The following SPINK5 variants were observed in gnomAD, a reference collection of about 807,000 sequenced individuals.
SPINK5 encodes the protein serine peptidase inhibitor Kazal type 5.
SPINK5 carries 125 observed loss-of-function variants against 151.8 expected under a neutral mutation model. The ratio of observed to expected loss-of-function variants is 0.82; its 90% CI spans 0.71 to 0.96. The LOEUF is 0.96. Ranked by LOEUF, SPINK5 falls within the 40% of genes least tolerant of loss-of-function variation. SPINK5 has a pLI of 0.00. For synonymous variants in SPINK5, 374 were observed against 395.3 expected (o/e 0.95, Z 0.64); for missense variants, 1,194 against 1,291.9 (o/e 0.92, Z 1.16).
At chr5:148,129,270 T>C (rs547889580) in intron 30 of SPINK5, among the ~76,000 whole-genome samples, 201 of 152,352 alleles carry the variant, frequency 1.3e-3, no homozygotes, top group African/African-American at 4.5e-3. Context: ...ATGAAGGTTC[T>C]GAGAAGACTA....
intron 4 of SPINK5, among the ~76,000 whole-genome samples, chr5:148,076,047 CCTAA>C (rs1752871600): frequency 6.7e-6 from 1 of 148,916 alleles, no homozygotes; most frequent in Admixed American, 6.7e-5. Flanking sequence ...TTCGCAAACT[CCTAA>C]CTGACTATAA....
chr5:148,113,630 C>G (rs1294082940), intron 20 of SPINK5, among the ~76,000 whole-genome samples: 1 of 152,170 alleles, frequency 6.6e-6, no homozygotes, highest in Non-Finnish European at 1.5e-5. Context: ...GGTCATTTCC[C>G]TGCCCCCATC....
At chr5:148,086,329 A>G in intron 4 of SPINK5, 76 bp from the exon 5 acceptor site, 2 of 1,567,474 alleles carry the variant, frequency 1.3e-6, no homozygotes, top group South Asian at 2.3e-5. Context: ...GTGGGCTTAA[A>G]ATGTTAATCT....
Position 148,101,917 on chromosome 5 carries a change from A to AG in SPINK5, c.1430+10dup. ...ATGTGTGAGGCCTTCTTGTGAGTAG[A>AG]GCAGTAGCCCCATAGCGTCTGAGGA... is the stretch of plus-strand genomic sequence containing the variant. On this transcript the variant is annotated intron_variant, in intron 15 of 32. Coordinates refer to ENST00000256084, the MANE Select transcript of SPINK5 (RefSeq NM_006846.4). 4.3e-6 allele frequency: 7 copies of AG among 1,613,494 alleles called. No homozygotes were observed. The highest frequency in any genetic ancestry group is 5.1e-6 in the Non-Finnish European group (6 of 1,179,550).
At chr5:148,091,639 T>A (rs1156965637) in intron 8 of SPINK5, among the ~76,000 whole-genome samples, 2 of 151,690 alleles carry the variant, frequency 1.3e-5, no homozygotes, top group African/African-American at 4.8e-5. Flanking sequence ...ATAGTGAGAG[T>A]GTTTTAAACA....
intron 27 of SPINK5, 140 bp downstream of exon 27, chr5:148,124,100 C>A: frequency 9.8e-7 from 1 of 1,017,034 alleles, no homozygotes; most frequent in Non-Finnish European, 1.5e-6. Flanking sequence ...AGACAATTTC[C>A]AAAGCACTTT....
chr5:148,124,056 AC>A, intron 27 of SPINK5, 96 bp downstream of exon 27: 3 of 1,369,356 alleles, frequency 2.2e-6, no homozygotes, highest in Non-Finnish European at 3.1e-6. Flanking sequence ...TTGGCATCAC[AC>A]ATTAATGATA....
At position 148,072,159 on chromosome 5, in the gene SPINK5, C is replaced by T; in HGVS notation, c.221C>T (p.Ala74Val). ...TTGTCCTTTTCCAGGGAAAAAGAAGCAAAATCACAGAAGAGGGCCAGGCAT... is the reference window on the plus strand; with the variant it reads ...TTGTCCTTTTCCAGGGAAAAAGAAGTAAAATCACAGAAGAGGGCCAGGCAT... Reference protein sequence around the residue: ...ATCKMILEKEAKSQKRARHLA... With the variant: ...ATCKMILEKEVKSQKRARHLA... The change falls in exon 4 of 33, where the codon GCA (alanine) becomes GTA (valine). Residue 74 changes from alanine (A) to valine (V), a missense_variant. Ala to Val is a moderately conservative substitution (Grantham distance 64, BLOSUM62 0). Coordinates refer to ENST00000256084, the MANE Select transcript of SPINK5 (RefSeq NM_006846.4). The T allele has an allele frequency of 6.2e-7, 1 of 1,612,078 alleles. No individual in the cohort carries two copies.
intron 26 of SPINK5, among the ~76,000 whole-genome samples, chr5:148,120,674 G>A (rs886708126): frequency 6.6e-6 from 1 of 152,106 alleles, no homozygotes; most frequent in African/African-American, 2.4e-5. Flanking sequence ...GGGTCTTGCT[G>A]TTGCTCAGGA....
At chr5:148,095,331 C>T (rs1166730678) in intron 9 of SPINK5, among the ~76,000 whole-genome samples, 1 of 151,784 alleles carries the variant, frequency 6.6e-6, no homozygotes, top group Non-Finnish European at 1.5e-5. Flanking sequence ...CAGGGCCCAG[C>T]CAACACTTGC....
rs73271150 is a variant in SPINK5 at position 148,118,419 on chromosome 5, G to A, written c.2113-18G>A. 4,759 of 1,613,862 alleles carry A rather than the reference G, an allele frequency of 2.9e-3. 102 individuals carry two copies. The African/African-American group carries it at 0.05, about 17-fold the overall frequency. ...AGACTAAGTAATCCAGGGGCTCTTC[G>A]TTCTTCTCTGTTTTCAGGACGAATG... is the stretch of plus-strand genomic sequence containing the variant. On this transcript the variant is annotated intron_variant, in intron 22 of 32. Coordinates refer to ENST00000256084, the MANE Select transcript of SPINK5 (RefSeq NM_006846.4).
intron 6 of SPINK5, chr5:148,089,034 A>G (rs942004442): frequency 2.2e-6 from 1 of 461,126 alleles, no homozygotes; most frequent in African/African-American, 2.0e-5. Context: ...TGAGCCTGTG[A>G]TGGTAGGGGA....
chr5:148,084,975 TC>T lies in SPINK5; in HGVS notation c.283-1429del, dbSNP rs891442400. On this transcript the variant is annotated intron_variant, in intron 4 of 32. Transcript: ENST00000256084. ...CCTTAGAATATGTATTCCATTTTTTTCTCTCTCTCTCTTTTTTATTTTATAT... is the reference window on the plus strand; with the variant it reads ...CCTTAGAATATGTATTCCATTTTTTTTCTCTCTCTCTTTTTTATTTTATAT... Among the ~76,000 whole-genome samples the T allele has an allele frequency of 1.9e-3, 295 of 151,820 alleles. 1 individual carries two copies. Among genetic ancestry groups the T allele is most frequent in the African/African-American group, 3.8e-3 (157 of 41,470 alleles).
chr5:148,077,677 A>G (rs1752920373), intron 4 of SPINK5, among the ~76,000 whole-genome samples: 1 of 147,946 alleles, frequency 6.8e-6, no homozygotes, highest in South Asian at 2.1e-4. Context: ...AATAGCATAA[A>G]GGGTGATAGA....
At chr5:148,089,389 G>C in intron 6 of SPINK5, 105 bp from the exon 7 acceptor site, 1 of 1,453,510 alleles carries the variant, frequency 6.9e-7, no homozygotes. Context: ...TGCTCTAAGT[G>C]GCCCATAGCA....
chr5:148,071,226 C>T (rs1047184703), intron 3 of SPINK5, among the ~76,000 whole-genome samples: 1 of 152,062 alleles, frequency 6.6e-6, no homozygotes, highest in Non-Finnish European at 1.5e-5. Context: ...CTGAGCTTAC[C>T]CACTTAGGAT....
intron 29 of SPINK5, 141 bp from the exon 30 acceptor site, chr5:148,126,842 T>C: frequency 1.6e-6 from 1 of 635,798 alleles, no homozygotes; most frequent in Non-Finnish European, 2.7e-6. Flanking sequence ...TTCGCCAGCC[T>C]GGGCCTTCCA....
intron 4 of SPINK5, among the ~76,000 whole-genome samples, chr5:148,082,296 AT>A (rs759845251): frequency 1.3e-5 from 2 of 151,292 alleles, no homozygotes; most frequent in African/African-American, 4.8e-5. Flanking sequence ...TTTAAATTTA[AT>A]TTTTAAAAAA....
At chr5:148,066,235 A>G (rs1437542818) in intron 2 of SPINK5, among the ~76,000 whole-genome samples, 2 of 152,176 alleles carry the variant, frequency 1.3e-5, no homozygotes, top group East Asian at 3.9e-4. Flanking sequence ...ATAAATTAAA[A>G]AATCATTTTC....
Sources: gnomAD v4.1 joint callset for allele counts (sites outside exome capture counted in the v4.1 genomes callset) on GRCh38, gnomAD v4.1.1 for gene constraint, MANE v1.5 for transcripts, NCBI Gene and HGNC (gene_info 2026-07-23, HGNC 2026-07-21) for gene names.